The following ROBO1 variants were observed in gnomAD, a reference collection of about 807,000 sequenced individuals.
The protein encoded by ROBO1 is roundabout homolog 1.
In ROBO1, 149 loss-of-function variants were observed where a neutral mutation model predicts 195.9. The observed-to-expected ratio is 0.76, with a 90% confidence interval of 0.67 to 0.87. The LOEUF (loss-of-function observed/expected upper bound fraction) is 0.87, where lower values mean the gene tolerates loss of function less well. Among genes scored for constraint, ROBO1 ranks in the 40% least tolerant of loss-of-function variants. The pLI, the probability that ROBO1 is intolerant of heterozygous loss-of-function variation, is 0.00. For missense variants in ROBO1, 1,933 were observed against 2,068.3 expected (o/e 0.93, Z 1.27); for synonymous variants, 816 against 733.2 (o/e 1.11, Z -1.82).
At chr3:78,872,883 C>T (rs2035630154) in intron 4 of ROBO1, among the ~76,000 whole-genome samples, 1 of 152,020 alleles carries the variant, frequency 6.6e-6, no homozygotes, top group South Asian at 2.1e-4. Context: ...TGAAGAAATA[C>T]TTATAATATG....
chr3:79,589,695 A>T lies in ROBO1; in HGVS notation c.88+129T>A, dbSNP rs1943935482. On this transcript the variant is annotated intron_variant, in intron 2 of 30. Coordinates refer to ENST00000464233, the MANE Select transcript of ROBO1 (RefSeq NM_002941.4). ...GATCAGCACTCATACTCAAGAAGAC[A>T]TTCACACAGACTTACAAGTTCCAAA... 2.4e-5 allele frequency: 17 copies of T among 716,116 alleles called. No homozygotes were observed. The South Asian group carries it at 2.9e-4, about 12-fold the overall frequency. The allele number at this position is 716,116 out of a possible 1,614,324, so 44.4% of individuals were successfully genotyped here.
rs531164633 is a variant in ROBO1, at chr3:78,720,962, G to A, written c.658-3079C>T. Among the ~76,000 whole-genome samples the A allele has an allele frequency of 1.5e-4, 22 of 150,812 alleles. No individual in the cohort carries two copies. The South Asian group carries it at 4.2e-3, about 29-fold the overall frequency. ...CCTGTTGTGGGGTTGGGGGGGGGGC[G>A]GTGGAGGCATAGCATTAGGAGATAT... On this transcript the variant is annotated intron_variant, in intron 5 of 30. Transcript: ENST00000464233.
chr3:79,346,087 G>A (rs78230743), intron 2 of ROBO1, among the ~76,000 whole-genome samples: 24 of 152,174 alleles, frequency 1.6e-4, no homozygotes, highest in Non-Finnish European at 2.9e-4. Context: ...CAAATCACAA[G>A]TGAATAGATG....
chr3:79,714,495 C>T (rs1036372847), intron 1 of ROBO1, among the ~76,000 whole-genome samples: 2 of 152,070 alleles, frequency 1.3e-5, no homozygotes, highest in Non-Finnish European at 1.5e-5. Flanking sequence ...CATCCCATTA[C>T]TGGGTATATA....
Position 78,714,392 on chromosome 3 carries a change from C to T in ROBO1, c.1045+5G>A. The T allele has an allele frequency of 6.2e-7, 1 of 1,607,462 alleles. No homozygotes were observed. The highest frequency in any genetic ancestry group is 8.5e-7 in the Non-Finnish European group (1 of 1,177,636). On this transcript the variant is annotated splice_donor_5th_base_variant and intron_variant, in intron 8 of 30. Transcript: ENST00000464233. The stretch of plus-strand genomic sequence containing the variant: ...CACCAAAACAAAGCCTTTCCCAATG[C>T]CTACCTTGAACAGTCAGAGTAGCAG...
intron 4 of ROBO1, among the ~76,000 whole-genome samples, chr3:78,914,985 T>C (rs2038469942): frequency 6.6e-6 from 1 of 151,882 alleles, no homozygotes; most frequent in South Asian, 2.1e-4. Context: ...TATTAGGTGT[T>C]TGATTAAAAT....
At chr3:79,348,078 G>A (rs1250962719) in intron 2 of ROBO1, among the ~76,000 whole-genome samples, 1 of 152,084 alleles carries the variant, frequency 6.6e-6, no homozygotes, top group East Asian at 1.9e-4. Context: ...GGGTGTGGTG[G>A]TGCACACTTG....
At chr3:79,708,680 G>C (rs1702157447) in intron 1 of ROBO1, among the ~76,000 whole-genome samples, 2 of 152,168 alleles carry the variant, frequency 1.3e-5, no homozygotes, top group South Asian at 4.1e-4. Flanking sequence ...CTGGTCAACA[G>C]AGTGAGACTT....
At chr3:79,068,414 G>A (rs2079036527) in intron 3 of ROBO1, among the ~76,000 whole-genome samples, 1 of 151,774 alleles carries the variant, frequency 6.6e-6, no homozygotes, top group Non-Finnish European at 1.5e-5. Flanking sequence ...TTTGTCTTCA[G>A]CAATTGGCTT....
intron 1 of ROBO1, among the ~76,000 whole-genome samples, chr3:79,716,232 C>T (rs900667557): frequency 1.3e-5 from 2 of 151,816 alleles, no homozygotes; most frequent in African/African-American, 4.8e-5. Flanking sequence ...TTTTATATTA[C>T]ATTATAGGAA....
chr3:78,730,221 T>C (rs1215109779), intron 5 of ROBO1, among the ~76,000 whole-genome samples: 2 of 152,208 alleles, frequency 1.3e-5, no homozygotes, highest in East Asian at 3.8e-4. Context: ...CTCTGGGTTC[T>C]TATACTTAGC....
chr3:78,800,535 G>A (rs1312036538), intron 4 of ROBO1, among the ~76,000 whole-genome samples: 2 of 151,140 alleles, frequency 1.3e-5, no homozygotes, highest in East Asian at 3.9e-4. Flanking sequence ...ATGGCCAAAT[G>A]AAGCTGTTTT....
At chr3:78,833,242 A>G (rs1024515924) in intron 4 of ROBO1, among the ~76,000 whole-genome samples, 9 of 152,198 alleles carry the variant, frequency 5.9e-5, no homozygotes, top group African/African-American at 2.2e-4. Context: ...GAAATCATTC[A>G]TAAAACTAGT....
At chr3:78,728,047 A>G (rs1298508365) in intron 5 of ROBO1, among the ~76,000 whole-genome samples, 1 of 152,124 alleles carries the variant, frequency 6.6e-6, no homozygotes, top group East Asian at 1.9e-4. Context: ...GCCAAATCAC[A>G]GTTCTTCTTG....
At chr3:79,314,659 A>G (rs892587747) in intron 2 of ROBO1, among the ~76,000 whole-genome samples, 1 of 152,206 alleles carries the variant, frequency 6.6e-6, no homozygotes, top group Non-Finnish European at 1.5e-5. Context: ...TATTCTTTCC[A>G]CAAATACTCA....
intron 18 of ROBO1, among the ~76,000 whole-genome samples, chr3:78,654,916 A>C (rs1706902211): frequency 6.6e-6 from 1 of 152,216 alleles, no homozygotes; most frequent in African/African-American, 2.4e-5. Context: ...CAATGTTCAT[A>C]AATTAATATT....
At chr3:79,744,896 C>T (rs1441640577) in intron 1 of ROBO1, among the ~76,000 whole-genome samples, 2 of 151,634 alleles carry the variant, frequency 1.3e-5, no homozygotes, top group Non-Finnish European at 2.9e-5. Flanking sequence ...CATATATATA[C>T]ATATGGTCAA....
chr3:79,384,874 A>G (rs1351495203), intron 2 of ROBO1, among the ~76,000 whole-genome samples: 1 of 152,044 alleles, frequency 6.6e-6, no homozygotes, highest in Non-Finnish European at 1.5e-5. Context: ...AGAATACATA[A>G]ATCTCAGTCA....
chr3:78,926,646 T>C (rs1045883621), intron 4 of ROBO1, among the ~76,000 whole-genome samples: 1 of 152,070 alleles, frequency 6.6e-6, no homozygotes, highest in Non-Finnish European at 1.5e-5. Flanking sequence ...GAGCTGAGTA[T>C]AGAGGTTCAG....
Sources: gnomAD v4.1 joint callset for allele counts (sites outside exome capture counted in the v4.1 genomes callset) on GRCh38, gnomAD v4.1.1 for gene constraint, MANE v1.5 for transcripts, NCBI Gene and HGNC (gene_info 2026-07-23, HGNC 2026-07-21) for gene names.